The following UGT1A4 variants were observed in gnomAD, a reference collection of about 807,000 sequenced individuals.
UGT1A4 encodes the protein UDP glucuronosyltransferase family 1 member A4, also known as UDP-glucuronosyltransferase 1A4.
In UGT1A4, 32 loss-of-function variants were observed where a neutral mutation model predicts 41.1. The ratio of observed to expected loss-of-function variants is 0.78; its 90% CI spans 0.59 to 1.05. UGT1A4 has a LOEUF of 1.05. UGT1A4 is among the 50% of genes least tolerant of loss of function. The pLI is 0.00. For synonymous variants in UGT1A4, 283 were observed against 265.1 expected, an observed-to-expected ratio of 1.07 and a Z score of -0.66; for missense variants, 748 against 677.4, an observed-to-expected ratio of 1.10 and a Z score of -1.16.
At chr2:233,725,270 A>AGAGGCAGAG (rs2077418450) in intron 1 of UGT1A4, among the ~76,000 whole-genome samples, 1 of 37,556 alleles carries the variant, frequency 2.7e-5, no homozygotes, top group Non-Finnish European at 5.1e-5. Flanking sequence ...CAGAGGAGGC[A>AGAGGCAGAG]GAGGCAGAGG....
intron 1 of UGT1A4, chr2:233,747,278 C>A (rs925407656): frequency 4.4e-6 from 7 of 1,599,166 alleles, no homozygotes; most frequent in Middle Eastern, 3.5e-4. Context: ...CTTCTCAGTG[C>A]CCAGCCCTGG....
chr2:233,743,081 G>C, intron 1 of UGT1A4: 1 of 347,046 alleles, frequency 2.9e-6, no homozygotes, highest in Non-Finnish European at 5.6e-6. Context: ...GGCATGAAGT[G>C]TTTATAAATT....
At chr2:233,730,680 C>T (rs1218688522) in intron 1 of UGT1A4, among the ~76,000 whole-genome samples, 1 of 152,088 alleles carries the variant, frequency 6.6e-6, no homozygotes, top group African/African-American at 2.4e-5. Flanking sequence ...GTAATGGTTG[C>T]ATCTCAAATG....
At position 233,762,076 on chromosome 2, in the gene UGT1A4, C is replaced by T. The variant is rs543302541; in HGVS notation, c.868-4958C>T. ...CTTCATAGCACATCAAATATGGCAG[C>T]CATTTCACTTAGATAGTTGTTGATT... On this transcript the variant is annotated intron_variant, in intron 1 of 4. Coordinates refer to ENST00000373409, the MANE Select transcript of UGT1A4 (RefSeq NM_007120.3). Among the ~76,000 whole-genome samples the T allele has an allele frequency of 4.6e-5, 7 of 152,184 alleles. No homozygotes were observed. The East Asian group carries it at 1.4e-3, about 29-fold the overall frequency.
intron 1 of UGT1A4, chr2:233,741,678 G>T (rs1691739427): frequency 1.3e-5 from 2 of 151,908 alleles, no homozygotes; most frequent in African/African-American, 4.9e-5. Context: ...TTTATTGCTT[G>T]GGTGCCATTA....
Position 233,768,226 on chromosome 2 carries a change from C to A in UGT1A4, c.1094C>A (p.Pro365Gln). The A allele has an allele frequency of 6.2e-7, 1 of 1,614,202 alleles. No homozygotes were observed. The highest frequency in any genetic ancestry group is 8.5e-7 in the Non-Finnish European group (1 of 1,180,042). ...TCCCTATTTTGCATCTCAGGTCACC[C>A]GATGACCCGTGCCTTTATCACCCAT... ...WLPQNDLLGH[P>Q]MTRAFITHAG... Residue 365 changes from proline to glutamine, a missense_variant, in exon 4 of 5, where the codon CCG becomes CAG. Coordinates refer to ENST00000373409, the MANE Select transcript of UGT1A4 (RefSeq NM_007120.3).
At chr2:233,747,134 C>G (rs1693570015) in intron 1 of UGT1A4, 6 of 1,538,798 alleles carry the variant, frequency 3.9e-6, no homozygotes, top group Non-Finnish European at 5.3e-6. Flanking sequence ...GGCTCAGTGA[C>G]AAGGTAATTA....
intron 1 of UGT1A4, chr2:233,738,880 T>G (rs1690926968): frequency 6.6e-6 from 1 of 152,168 alleles, no homozygotes; most frequent in Admixed American, 6.5e-5. Context: ...CCAGGGCATG[T>G]CAGAGACCTT....
chr2:233,766,101 A>G (rs1699049254), intron 1 of UGT1A4, among the ~76,000 whole-genome samples: 1 of 152,188 alleles, frequency 6.6e-6, no homozygotes, highest in South Asian at 2.1e-4. Context: ...GGCTTTCTGT[A>G]TCCTGGGGGC....
At chr2:233,729,824 G>T in intron 1 of UGT1A4, 1 of 1,613,884 alleles carries the variant, frequency 6.2e-7, no homozygotes, top group Non-Finnish European at 8.5e-7. Flanking sequence ...CCTTATGCAA[G>T]CCTTGCCTCT....
chr2:233,722,716 G>A (rs952694849), intron 1 of UGT1A4, among the ~76,000 whole-genome samples: 1 of 151,988 alleles, frequency 6.6e-6, no homozygotes, highest in Non-Finnish European at 1.5e-5. Flanking sequence ...TTAAATATCA[G>A]TTTTTAAATT....
intron 1 of UGT1A4, among the ~76,000 whole-genome samples, chr2:233,745,915 C>T (rs1264125490): frequency 5.3e-5 from 8 of 151,156 alleles, no homozygotes; most frequent in Admixed American, 5.3e-4. Flanking sequence ...GCAGCTGAGG[C>T]AGTGATTCAG....
At position 233,769,420 on chromosome 2, in the gene UGT1A4, T is replaced by C; in HGVS notation, c.1307+981T>C. 1 of 1,459,970 alleles carries C rather than the reference T, an allele frequency of 6.8e-7. No homozygotes were observed. The highest frequency in any genetic ancestry group is 1.8e-4 in the Middle Eastern group (1 of 5,568). 90.4% of individuals were successfully genotyped at this position (1,459,970 alleles called of 1,614,324 possible). ...GCATATGTGCGTGTGCGTTTGTGCA[T>C]GTGGCTGTGCTCATGTGTGGGTGCA... is the stretch of plus-strand genomic sequence containing the variant. On this transcript the variant is annotated intron_variant, in intron 4 of 4. Coordinates refer to ENST00000373409, the MANE Select transcript of UGT1A4 (RefSeq NM_007120.3). This position sits in a 1 kb window ranked among gnomAD's most constrained non-coding sequence, Gnocchi z 4.4.
rs145878694 is a variant in UGT1A4, at chr2:233,769,172, G to A, written c.1307+733G>A. On this transcript the variant is annotated intron_variant, in intron 4 of 4. Transcript: ENST00000373409. The surrounding 1 kb of genome is among the most constrained non-coding windows in gnomAD (Gnocchi z 4.4). ...GAACCTGTGAGAAATTTTGTCCATG[G>A]AGTTTATGAATGAAGGAGCTATAAG... Among the ~76,000 whole-genome samples the A allele has an allele frequency of 2.1e-4, 32 of 152,304 alleles. No homozygotes were observed. The East Asian group carries it at 5.0e-3, about 24-fold the overall frequency.
chr2:233,763,738 G>A (rs1302450820), intron 1 of UGT1A4, among the ~76,000 whole-genome samples: 6 of 152,164 alleles, frequency 3.9e-5, no homozygotes, highest in Non-Finnish European at 8.8e-5. Flanking sequence ...TGGCATTGGC[G>A]TGTCTTTGGT....
At chr2:233,747,723 T>C in intron 1 of UGT1A4, 1 of 1,612,498 alleles carries the variant, frequency 6.2e-7, no homozygotes, top group Non-Finnish European at 8.5e-7. Flanking sequence ...TCCTGCTGTG[T>C]TTTTTTTGAG....
chr2:233,730,164 C>T (rs556230722), intron 1 of UGT1A4, among the ~76,000 whole-genome samples: 9 of 152,110 alleles, frequency 5.9e-5, no homozygotes, highest in Admixed American at 1.3e-4. Context: ...TCTCTAGTAG[C>T]GTATTTCAGG....
chr2:233,767,203 C>T, intron 2 of UGT1A4, 38 bp downstream of exon 2: 1 of 1,613,332 alleles, frequency 6.2e-7, no homozygotes, highest in African/African-American at 1.3e-5. Flanking sequence ...TATCTATTTT[C>T]ACAGGAGCGC....
At chr2:233,722,254 C>T (rs12479208) in intron 1 of UGT1A4, among the ~76,000 whole-genome samples, 12,149 of 152,210 alleles carry the variant, frequency 0.08, 621 homozygotes, top group East Asian at 0.2. Flanking sequence ...GTGACAGACA[C>T]GCCATTATCA....
Sources: gnomAD v4.1 joint callset for allele counts (sites outside exome capture counted in the v4.1 genomes callset) on GRCh38, gnomAD v4.1.1 for gene constraint, Gnocchi (gnomAD v3.1) non-coding constraint, MANE v1.5 for transcripts, NCBI Gene and HGNC (gene_info 2026-07-23, HGNC 2026-07-21) for gene names.